The following MAMDC2 variants were observed in gnomAD, a reference collection of about 807,000 sequenced individuals.
The protein encoded by MAMDC2 is MAM domain-containing protein 2.
In MAMDC2, 57 loss-of-function variants were observed where a neutral mutation model predicts 89.8. The observed-to-expected ratio is 0.63, with a 90% confidence interval of 0.51 to 0.79. The LOEUF (loss-of-function observed/expected upper bound fraction) is 0.79. MAMDC2 is among the 30% of genes least tolerant of loss of function. The pLI is 0.00. For missense variants in MAMDC2, 800 were observed against 820.6 expected (o/e 0.97, Z 0.31); for synonymous variants, 313 against 293.4 (o/e 1.07, Z -0.68).
At chr9:70,107,061 C>A (rs1828361038) in intron 2 of MAMDC2, among the ~76,000 whole-genome samples, 1 of 152,056 alleles carries the variant, frequency 6.6e-6, no homozygotes, top group Non-Finnish European at 1.5e-5. Flanking sequence ...GTGGTGGAAG[C>A]CACAGGACGA....
chr9:70,200,312 C>G (rs1054497281), intron 11 of MAMDC2, among the ~76,000 whole-genome samples: 14 of 147,632 alleles, frequency 9.5e-5, no homozygotes, highest in African/African-American at 3.5e-4. Context: ...ATAGGGAATC[C>G]TTTCCCCATT....
intron 2 of MAMDC2, among the ~76,000 whole-genome samples, chr9:70,072,212 A>C (rs1402930233): frequency 5.3e-5 from 8 of 152,172 alleles, no homozygotes; most frequent in Non-Finnish European, 1.2e-4. Flanking sequence ...TCTGATGTAA[A>C]GTACAATGTA....
At chr9:70,218,259 C>A in intron 11 of MAMDC2, 78 bp from the exon 12 acceptor site, 1 of 1,478,310 alleles carries the variant, frequency 6.8e-7, no homozygotes, top group South Asian at 1.4e-5. Context: ...TGACTTGACA[C>A]TCTGAAAGAA....
chr9:70,151,631 T>A (rs1474008874), intron 9 of MAMDC2, among the ~76,000 whole-genome samples: 1 of 152,178 alleles, frequency 6.6e-6, no homozygotes, highest in Non-Finnish European at 1.5e-5. Context: ...CTTTGGGTGG[T>A]CAAGGTCTCT....
At chr9:70,174,416 C>T (rs758135269) in intron 11 of MAMDC2, among the ~76,000 whole-genome samples, 8 of 152,054 alleles carry the variant, frequency 5.3e-5, no homozygotes, top group African/African-American at 9.7e-5. Context: ...GTTAGGGAAT[C>T]GAGAGGAGAA....
chr9:70,112,605 A>C (rs890654628), intron 4 of MAMDC2, among the ~76,000 whole-genome samples: 16 of 152,256 alleles, frequency 1.1e-4, no homozygotes, highest in Non-Finnish European at 2.2e-4. Flanking sequence ...GACTGATAAA[A>C]ATAGCTGACT....
intron 2 of MAMDC2, among the ~76,000 whole-genome samples, chr9:70,064,696 C>T (rs1827225201): frequency 6.6e-6 from 1 of 152,176 alleles, no homozygotes; most frequent in East Asian, 1.9e-4. Flanking sequence ...AAAAATTTTA[C>T]TGCATAACAC....
At chr9:70,157,526 T>C (rs1475869825) in intron 9 of MAMDC2, 2 of 152,644 alleles carry the variant, frequency 1.3e-5, no homozygotes, top group African/African-American at 2.4e-5. Flanking sequence ...AGTAGAAGTC[T>C]CTCTCCAGTG....
chr9:70,044,256 C>T (rs1273593081), intron 1 of MAMDC2, 25 bp downstream of exon 1: 1 of 1,610,312 alleles, frequency 6.2e-7, no homozygotes. Context: ...CCGGGACAAC[C>T]CCGGGGGCGC....
intron 2 of MAMDC2, among the ~76,000 whole-genome samples, chr9:70,060,199 C>A (rs1587433363): frequency 6.6e-6 from 1 of 152,154 alleles, no homozygotes; most frequent in Non-Finnish European, 1.5e-5. Flanking sequence ...CAAAGAATCC[C>A]TCTCACTTGT....
At chr9:70,197,530 A>G (rs1241461840) in intron 11 of MAMDC2, among the ~76,000 whole-genome samples, 1 of 152,124 alleles carries the variant, frequency 6.6e-6, no homozygotes, top group African/African-American at 2.4e-5. Flanking sequence ...TATTACTGAA[A>G]TTTGCCAAAG....
chr9:70,171,854 T>TTTTTTAG (rs2032359106), intron 11 of MAMDC2: 3 of 152,110 alleles, frequency 2.0e-5, no homozygotes, highest in Non-Finnish European at 2.9e-5. Context: ...CAAAAAAAAT[T>TTTTTTAG]CTCATAATGT....
intron 11 of MAMDC2, among the ~76,000 whole-genome samples, chr9:70,205,444 G>A (rs2033205156): frequency 6.6e-6 from 1 of 152,092 alleles, no homozygotes; most frequent in Admixed American, 6.5e-5. Context: ...TGATTTTTAA[G>A]AATTCTTTTC....
At chr9:70,218,638 A>C (rs2033495461) in intron 12 of MAMDC2, 42 bp downstream of exon 12, 5 of 1,530,698 alleles carry the variant, frequency 3.3e-6, no homozygotes, top group Non-Finnish European at 4.4e-6. Flanking sequence ...GAAAACGTGT[A>C]GGAGCTTCTG....
chr9:70,144,997 C>T (rs548982263), intron 9 of MAMDC2, among the ~76,000 whole-genome samples: 1 of 152,136 alleles, frequency 6.6e-6, no homozygotes, highest in Non-Finnish European at 1.5e-5. Context: ...CTTTTGTTTC[C>T]ATTGCTAGGT....
At chr9:70,120,264 A>G (rs899577202) in intron 5 of MAMDC2, among the ~76,000 whole-genome samples, 2 of 152,040 alleles carry the variant, frequency 1.3e-5, no homozygotes, top group Non-Finnish European at 2.9e-5. Context: ...TCACACACAC[A>G]CACTCCAGTA....
intron 7 of MAMDC2, 78 bp from the exon 8 acceptor site, chr9:70,140,067 A>C: frequency 7.1e-7 from 1 of 1,415,936 alleles, no homozygotes; most frequent in Non-Finnish European, 9.3e-7. Flanking sequence ...ATGTGTATAT[A>C]TAAATATCTG....
At chr9:70,201,724 T>C (rs2033102388) in intron 11 of MAMDC2, among the ~76,000 whole-genome samples, 2 of 142,468 alleles carry the variant, frequency 1.4e-5, no homozygotes, top group East Asian at 2.1e-4. Flanking sequence ...ATTGCCACAA[T>C]TTCAGATCCT....
chr9:70,044,797 C>A (rs562319778), intron 2 of MAMDC2, 100 bp downstream of exon 2: 63 of 902,616 alleles, frequency 7.0e-5, no homozygotes, highest in Non-Finnish European at 9.8e-5. Flanking sequence ...GTTAATTCTC[C>A]GCGGCAAGAA....
Sources: gnomAD v4.1 joint callset for allele counts (sites outside exome capture counted in the v4.1 genomes callset) on GRCh38, gnomAD v4.1.1 for gene constraint, MANE v1.5 for transcripts, NCBI Gene and HGNC (gene_info 2026-07-23, HGNC 2026-07-21) for gene names.